RFX7: variants seen among roughly 807,000 people sequenced by gnomAD.
RFX7 encodes regulatory factor X7, also known as DNA-binding protein RFX7.
Under a neutral mutation model 111.8 loss-of-function variants are expected in RFX7, and 26 were observed. The observed-to-expected ratio is 0.23, with a 90% CI of 0.17 to 0.32. RFX7 has a LOEUF of 0.32. Ranked by LOEUF, RFX7 falls within the 10% of genes least tolerant of loss-of-function variation. The pLI is 1.00. For missense variants in RFX7, 1,573 were observed against 1,772.9 expected (o/e 0.89, Z 2.02); for synonymous variants, 624 against 624.4 (o/e 1.00, Z 0.01).
intron 2 of RFX7, among the ~76,000 whole-genome samples, chr15:56,220,660 TCTG>T (rs1276859901): frequency 6.6e-6 from 1 of 152,238 alleles, no homozygotes; most frequent in Admixed American, 6.5e-5. Context: ...GACAGTTTCT[TCTG>T]CTGTGCAGAA....
At chr15:56,119,791 AAAAG>A (rs1167342337) in intron 5 of RFX7, among the ~76,000 whole-genome samples, 15 of 151,242 alleles carry the variant, frequency 9.9e-5, no homozygotes, top group South Asian at 2.1e-4. Context: ...AAAAAAAAAA[AAAAG>A]AAAGAAAGAA....
In RFX7 at chr15:56,240,434, C is replaced by T. The variant is rs142087082; in HGVS notation, c.161+2691G>A. Among the ~76,000 whole-genome samples the T allele has an allele frequency of 1.9e-3, 282 of 152,152 alleles. 1 individual carries two copies. Among genetic ancestry groups the T allele is most frequent in the East Asian group, 8.7e-3 (45 of 5,190 alleles). On this transcript the variant is annotated intron_variant, in intron 2 of 9. Coordinates refer to ENST00000559447, the MANE Select transcript of RFX7 (RefSeq NM_022841.7). ...ACTCTTTTCCACTCAACTTTGAATG[C>T]TTTTTTTCCAGACTCATTTAATGCC...
chr15:56,231,602 G>C (rs1259689994), intron 2 of RFX7, among the ~76,000 whole-genome samples: 1 of 151,996 alleles, frequency 6.6e-6, no homozygotes, highest in African/African-American at 2.4e-5. Context: ...ATTTGGGTGG[G>C]GGCAGAGCCA....
rs761730666 is a variant in RFX7 at position 56,102,147 on chromosome 15, AAAG to A, written c.603+19_603+21del. ...ATAAAGGTACAATTTTACTTATTAAAAAGAAAAGGCTGAATTCTTACCCCATCT... is the reference window on the plus strand; with the variant it reads ...ATAAAGGTACAATTTTACTTATTAAAAAAAGGCTGAATTCTTACCCCATCT... On this transcript the variant is annotated intron_variant, in intron 7 of 9. Transcript: ENST00000559447. The A allele has an allele frequency of 1.2e-5, 18 of 1,561,810 alleles. No individual in the cohort carries two copies. The highest frequency in any genetic ancestry group is 1.4e-5 in the Non-Finnish European group (16 of 1,137,046).
At chr15:56,158,392 T>C (rs1345748224) in intron 3 of RFX7, among the ~76,000 whole-genome samples, 1 of 152,266 alleles carries the variant, frequency 6.6e-6, no homozygotes, top group East Asian at 1.9e-4. Flanking sequence ...AAATATGTTA[T>C]TGCTTAAAAT....
rs202222182 is a variant in RFX7, at chr15:56,152,780, G to GA, written c.196-8298dup. ...CAATGAATCCAGGAGCTGGTTTTTT[G>GA]AAAAAAAAAAATCAACAAAATAGAC... is the stretch of plus-strand genomic sequence containing the variant. On this transcript the variant is annotated intron_variant, in intron 3 of 9. Transcript: ENST00000559447. Among the ~76,000 whole-genome samples, 226 of 141,438 alleles carry GA rather than the reference G, an allele frequency of 1.6e-3. 1 individual carries two copies. The highest frequency in any genetic ancestry group is 4.4e-3 in the South Asian group (20 of 4,502). The allele number at this position is 141,438 out of a possible 152,430, so 92.8% of individuals were successfully genotyped here. A position where few individuals can be genotyped will look rare whatever the true frequency, so the allele number is the denominator to read the frequency against.
intron 5 of RFX7, among the ~76,000 whole-genome samples, chr15:56,112,023 G>A (rs76347629): frequency 0.13 from 19,615 of 151,700 alleles, 1,644 homozygotes; most frequent in East Asian, 0.43. Flanking sequence ...GCTGAGGCAG[G>A]AGAATCACTT....
chr15:56,094,378 T>G lies in RFX7; in HGVS notation c.3350A>C (p.His1117Pro). 6.2e-7 allele frequency: 1 copy of G among 1,613,878 alleles called. No individual in the cohort carries two copies. The highest frequency in any genetic ancestry group is 8.5e-7 in the Non-Finnish European group (1 of 1,179,856). Residue 1117 changes from histidine (H) to proline (P), a missense_variant, in exon 10 of 10, where the codon CAT becomes CCT. Physicochemically the swap from His to Pro is moderately conservative, Grantham distance 77. Coordinates refer to ENST00000559447, the MANE Select transcript of RFX7 (RefSeq NM_022841.7). ...YQSQSRHHDT[H>P]FGRLTPVSPV... Reference sequence around the variant, plus strand: ...AGAGACAGGAGTCAAACGACCAAAATGAGTGTCATGATGTCTGGATTGAGA... The same window carrying G: ...AGAGACAGGAGTCAAACGACCAAAAGGAGTGTCATGATGTCTGGATTGAGA...
chr15:56,225,339 C>T (rs1449449529), intron 2 of RFX7, among the ~76,000 whole-genome samples: 1 of 152,134 alleles, frequency 6.6e-6, no homozygotes, highest in Non-Finnish European at 1.5e-5. Context: ...ATTTCTCTTG[C>T]TGGGTTTCAG....
intron 2 of RFX7, among the ~76,000 whole-genome samples, chr15:56,212,008 A>C (rs1324738788): frequency 1.3e-5 from 2 of 152,178 alleles, no homozygotes; most frequent in Non-Finnish European, 2.9e-5. Flanking sequence ...ATTGCACTTC[A>C]TGAAATTTAC....
chr15:56,122,712 T>A (rs2042093956), intron 5 of RFX7, among the ~76,000 whole-genome samples: 1 of 151,190 alleles, frequency 6.6e-6, no homozygotes, highest in Non-Finnish European at 1.5e-5. Context: ...CCTGGTGCTT[T>A]ATCCTACTGC....
At chr15:56,139,634 T>C (rs1252105011) in intron 5 of RFX7, among the ~76,000 whole-genome samples, 4 of 152,260 alleles carry the variant, frequency 2.6e-5, no homozygotes, top group Non-Finnish European at 5.9e-5. Flanking sequence ...ACATTCTCCA[T>C]CCAGCTTTGT....
Position 56,089,720 on chromosome 15 carries a change from G to GTTTCA in RFX7, c.*3624_*3625insTGAAA, listed in dbSNP as rs147238105. ...TGACTGATTGCCTTTCTTGGGATTA[G>GTTTCA]TTTTTCTTCAAGTACTTTTGAATTT... On this transcript the variant is annotated 3_prime_UTR_variant, in exon 10 of 10. Transcript: ENST00000559447. 5 of 8,190 alleles carry GTTTCA rather than the reference G, an allele frequency of 6.1e-4. No homozygotes were observed. The allele number at this position is 8,190 out of a possible 1,614,324, so 0.5% of individuals were successfully genotyped here.
At chr15:56,162,211 A>G (rs2042727840) in intron 3 of RFX7, among the ~76,000 whole-genome samples, 1 of 152,092 alleles carries the variant, frequency 6.6e-6, no homozygotes, top group Non-Finnish European at 1.5e-5. Flanking sequence ...GGATTCTTCA[A>G]GATTACAAAG....
intron 5 of RFX7, among the ~76,000 whole-genome samples, chr15:56,106,444 G>A (rs372583348): frequency 6.6e-6 from 1 of 152,154 alleles, no homozygotes. Context: ...AGAAAATAAA[G>A]AGGGCATCAA....
At chr15:56,106,116 C>G (rs575954230) in intron 5 of RFX7, among the ~76,000 whole-genome samples, 1 of 152,026 alleles carries the variant, frequency 6.6e-6, no homozygotes, top group Non-Finnish European at 1.5e-5. Flanking sequence ...CTCACTGGGC[C>G]CAGTAATTTA....
At chr15:56,138,118 A>T (rs1205790915) in intron 5 of RFX7, among the ~76,000 whole-genome samples, 1 of 139,392 alleles carries the variant, frequency 7.2e-6, no homozygotes, top group Non-Finnish European at 1.5e-5. Context: ...AGTTCTGTAG[A>T]TGTCTATTAG....
At chr15:56,180,892 G>C (rs1351512035) in intron 2 of RFX7, among the ~76,000 whole-genome samples, 2 of 152,060 alleles carry the variant, frequency 1.3e-5, no homozygotes, top group Admixed American at 6.6e-5. Flanking sequence ...ACTCCAGCCT[G>C]GGCAACAGAG....
At chr15:56,223,817 C>T (rs550933393) in intron 2 of RFX7, among the ~76,000 whole-genome samples, 4 of 152,056 alleles carry the variant, frequency 2.6e-5, no homozygotes, top group Admixed American at 2.6e-4. Context: ...TGTTTTTTCC[C>T]CCATTTAACA....
Sources: allele counts gnomAD v4.1 joint callset (sites outside exome capture counted in the v4.1 genomes callset), GRCh38; gene constraint gnomAD v4.1.1; transcripts MANE v1.5; gene names NCBI Gene and HGNC (gene_info 2026-07-23, HGNC 2026-07-21).